PCCA: variants seen among roughly 807,000 people sequenced by gnomAD.
The protein encoded by PCCA is propionyl-CoA carboxylase alpha chain, mitochondrial.
PCCA carries 74 observed loss-of-function variants against 101.3 expected under a neutral mutation model. The ratio of observed to expected loss-of-function variants is 0.73; its 90% CI spans 0.61 to 0.89. PCCA has a LOEUF of 0.89. PCCA is among the 40% of genes least tolerant of loss of function. The pLI is 0.00. For missense variants in PCCA, 891 were observed against 907.0 expected, an observed-to-expected ratio of 0.98 and a Z score of 0.23; for synonymous variants, 294 against 313.6, an observed-to-expected ratio of 0.94 and a Z score of 0.66.
chr13:100,434,279 G>A (rs1474797285), intron 20 of PCCA, among the ~76,000 whole-genome samples: 1 of 152,202 alleles, frequency 6.6e-6, no homozygotes, highest in Non-Finnish European at 1.5e-5. Flanking sequence ...AGGAGAGAAT[G>A]AGGGGTGAGA....
chr13:100,459,035 C>T (rs1431457957), intron 21 of PCCA, among the ~76,000 whole-genome samples: 1 of 152,112 alleles, frequency 6.6e-6, no homozygotes, highest in African/African-American at 2.4e-5. Context: ...CTGTTCTGTG[C>T]CTCTCTCCTG....
At chr13:100,370,967 C>G (rs1461619766) in intron 19 of PCCA, among the ~76,000 whole-genome samples, 1 of 152,012 alleles carries the variant, frequency 6.6e-6, no homozygotes, top group Non-Finnish European at 1.5e-5. Context: ...GCTTTAGGTG[C>G]CCTACATTTC....
chr13:100,232,382 G>A (rs919231531), intron 7 of PCCA, among the ~76,000 whole-genome samples: 1 of 151,222 alleles, frequency 6.6e-6, no homozygotes, highest in African/African-American at 2.4e-5. Flanking sequence ...GTGTGTGTGT[G>A]TGTGTGTGTG....
At chr13:100,125,607 A>G (rs1484438643) in intron 4 of PCCA, among the ~76,000 whole-genome samples, 2 of 152,222 alleles carry the variant, frequency 1.3e-5, no homozygotes, top group Non-Finnish European at 2.9e-5. Context: ...TTAAGAATAC[A>G]ATGTACCTAC....
chr13:100,518,090 C>T (rs1054927854), intron 22 of PCCA, among the ~76,000 whole-genome samples: 1 of 152,136 alleles, frequency 6.6e-6, no homozygotes, highest in Non-Finnish European at 1.5e-5. Flanking sequence ...AGTCAGTCTC[C>T]TTGGTGTATT....
chr13:100,271,085 C>T (rs1164765735), intron 11 of PCCA, among the ~76,000 whole-genome samples: 2 of 151,864 alleles, frequency 1.3e-5, no homozygotes, highest in South Asian at 2.1e-4. Context: ...TAGGGTCACT[C>T]ATATCTCTGG....
intron 18 of PCCA, among the ~76,000 whole-genome samples, chr13:100,349,558 C>T (rs532333839): frequency 1.2e-4 from 18 of 152,312 alleles, no homozygotes; most frequent in African/African-American, 2.4e-4. Context: ...CCACCACGCC[C>T]GGCCACTTTC....
chr13:100,128,315 T>G (rs1256614666), intron 4 of PCCA, among the ~76,000 whole-genome samples: 1 of 152,166 alleles, frequency 6.6e-6, no homozygotes, highest in Non-Finnish European at 1.5e-5. Flanking sequence ...AGTTTATTAC[T>G]TTGAAGGCAG....
chr13:100,372,408 G>T (rs1307039008), intron 19 of PCCA, among the ~76,000 whole-genome samples: 2 of 152,046 alleles, frequency 1.3e-5, no homozygotes, highest in Non-Finnish European at 2.9e-5. Context: ...TAGGGGAAAA[G>T]CTTCAAGGTA....
chr13:100,371,278 A>G (rs940578733), intron 19 of PCCA, among the ~76,000 whole-genome samples: 5 of 152,216 alleles, frequency 3.3e-5, no homozygotes, highest in Admixed American at 6.5e-5. Context: ...GGCACCATTT[A>G]TGTAAATTTT....
intron 21 of PCCA, among the ~76,000 whole-genome samples, chr13:100,487,514 G>A (rs1010625452): frequency 6.6e-6 from 1 of 152,188 alleles, no homozygotes; most frequent in Non-Finnish European, 1.5e-5. Flanking sequence ...TTTGGGAAAT[G>A]CTGGGTTAAA....
intron 6 of PCCA, among the ~76,000 whole-genome samples, chr13:100,171,958 G>A (rs1001154172): frequency 3.3e-5 from 5 of 151,754 alleles, no homozygotes; most frequent in Admixed American, 1.3e-4. Context: ...CGTGAACACA[G>A]GAGGCAGAGC....
chr13:100,475,431 G>T (rs1458729370), intron 21 of PCCA, among the ~76,000 whole-genome samples: 6 of 152,150 alleles, frequency 3.9e-5, no homozygotes. Context: ...GTCGTCTTTT[G>T]TGGCTTTCAC....
chr13:100,126,724 G>T (rs1483984189), intron 4 of PCCA, among the ~76,000 whole-genome samples: 1 of 152,172 alleles, frequency 6.6e-6, no homozygotes, highest in Non-Finnish European at 1.5e-5. Context: ...TTGAAATGCA[G>T]CATAAATCCA....
intron 2 of PCCA, among the ~76,000 whole-genome samples, chr13:100,107,595 T>A (rs539796399): frequency 6.6e-6 from 1 of 152,218 alleles, no homozygotes; most frequent in Non-Finnish European, 1.5e-5. Context: ...ATACTCTGAT[T>A]ACATTATATC....
intron 14 of PCCA, chr13:100,305,977 A>G (rs772442062): frequency 7.9e-6 from 2 of 254,250 alleles, no homozygotes; most frequent in Admixed American, 5.6e-5. Context: ...TCCTTTTACA[A>G]CCTTACAAAG....
intron 19 of PCCA, among the ~76,000 whole-genome samples, chr13:100,388,298 G>T (rs997557955): frequency 2.0e-5 from 3 of 151,660 alleles, no homozygotes; most frequent in African/African-American, 7.3e-5. Context: ...GTGAGACCCT[G>T]TCTCTACAAA....
intron 7 of PCCA, among the ~76,000 whole-genome samples, chr13:100,229,124 G>A (rs1431479504): frequency 6.6e-6 from 1 of 151,362 alleles, no homozygotes; most frequent in Non-Finnish European, 1.5e-5. Flanking sequence ...TTATGGAGTA[G>A]AACTATATTT....
chr13:100,474,317 A>G (rs141587879), intron 21 of PCCA, among the ~76,000 whole-genome samples: 1 of 152,146 alleles, frequency 6.6e-6, no homozygotes, highest in Non-Finnish European at 1.5e-5. Flanking sequence ...GTTATTTTTG[A>G]TGGTATAGTG....
Sources: gnomAD v4.1 joint callset for allele counts (sites outside exome capture counted in the v4.1 genomes callset) on GRCh38, gnomAD v4.1.1 for gene constraint, MANE v1.5 for transcripts, NCBI Gene and HGNC (gene_info 2026-07-23, HGNC 2026-07-21) for gene names.